Variants in PTPRD observed in about 807,000 individuals in gnomAD.
PTPRD encodes the protein protein tyrosine phosphatase receptor type D, also known as receptor-type tyrosine-protein phosphatase delta.
In PTPRD, 34 loss-of-function variants were observed where a neutral mutation model predicts 214.5. The observed-to-expected ratio is 0.16, with a 90% CI of 0.12 to 0.21. The LOEUF is 0.21. Among genes scored for constraint, PTPRD ranks in the 10% least tolerant of loss-of-function variants. The pLI is 1.00. For missense variants in PTPRD, 2,545 were observed against 2,398.7 expected (o/e 1.06, Z -1.27); for synonymous variants, 1,128 against 845.7 (o/e 1.33, Z -5.79).
At chr9:10,002,380 T>C (rs2096346325) in intron 4 of PTPRD, among the ~76,000 whole-genome samples, 1 of 147,878 alleles carries the variant, frequency 6.8e-6, no homozygotes, top group East Asian at 2.0e-4. Context: ...AATGCTGAGG[T>C]TGGGAGAATA....
chr9:9,415,763 A>G (rs989265678), intron 8 of PTPRD, among the ~76,000 whole-genome samples: 4 of 152,186 alleles, frequency 2.6e-5, no homozygotes, highest in African/African-American at 9.7e-5. Context: ...ACACTGAGAG[A>G]TATGAGTATT....
chr9:8,541,214 C>T (rs1382368365), intron 14 of PTPRD, among the ~76,000 whole-genome samples: 2 of 152,008 alleles, frequency 1.3e-5, no homozygotes, highest in African/African-American at 4.8e-5. Flanking sequence ...CAGAGAATAA[C>T]CAAATGGAAC....
At chr9:10,473,280 A>G (rs977639493) in intron 2 of PTPRD, among the ~76,000 whole-genome samples, 1 of 152,092 alleles carries the variant, frequency 6.6e-6, no homozygotes, top group African/African-American at 2.4e-5. Context: ...ATTCATGTTG[A>G]AAGTAGAGAC....
At chr9:10,316,161 ATC>A (rs2096419536) in intron 3 of PTPRD, among the ~76,000 whole-genome samples, 1 of 136,200 alleles carries the variant, frequency 7.3e-6, no homozygotes, top group African/African-American at 3.0e-5. Flanking sequence ...ATATATGTAT[ATC>A]TATGTATATA....
At chr9:10,435,888 T>C (rs184451814) in intron 2 of PTPRD, among the ~76,000 whole-genome samples, 6 of 151,948 alleles carry the variant, frequency 3.9e-5, no homozygotes, top group African/African-American at 1.4e-4. Context: ...ATAGTGTCAG[T>C]TGATGAGGCT....
intron 11 of PTPRD, among the ~76,000 whole-genome samples, chr9:8,867,416 G>T (rs923023934): frequency 6.6e-6 from 1 of 152,108 alleles, no homozygotes; most frequent in Non-Finnish European, 1.5e-5. Context: ...AAGAACAGTT[G>T]GCACTCATGC....
At chr9:8,849,854 G>C (rs977112344) in intron 11 of PTPRD, among the ~76,000 whole-genome samples, 2 of 152,154 alleles carry the variant, frequency 1.3e-5, no homozygotes, top group Admixed American at 1.3e-4. Flanking sequence ...ACTTGAGCAA[G>C]TTTGCCTTTC....
intron 5 of PTPRD, among the ~76,000 whole-genome samples, chr9:9,914,167 C>G (rs959501572): frequency 1.3e-5 from 2 of 152,178 alleles, no homozygotes; most frequent in African/African-American, 4.8e-5. Flanking sequence ...CTCCGAGGTT[C>G]TGAGCAGCTA....
chr9:10,431,998 T>C (rs1040116419), intron 2 of PTPRD, among the ~76,000 whole-genome samples: 9 of 151,962 alleles, frequency 5.9e-5, no homozygotes, highest in East Asian at 2.0e-4. Flanking sequence ...ATGTTTATTG[T>C]GGCATTATTC....
chr9:8,727,515 G>A (rs956465984), intron 12 of PTPRD, among the ~76,000 whole-genome samples: 2 of 152,160 alleles, frequency 1.3e-5, no homozygotes, highest in Non-Finnish European at 2.9e-5. Flanking sequence ...AACAATGAAG[G>A]CTGATAAACA....
At chr9:8,948,519 T>TTA (rs1332097690) in intron 11 of PTPRD, among the ~76,000 whole-genome samples, 135 of 12,782 alleles carry the variant, frequency 0.011, 12 homozygotes, top group Non-Finnish European at 0.019. Flanking sequence ...ATATATATAT[T>TTA]TATATATATA....
intron 14 of PTPRD, among the ~76,000 whole-genome samples, chr9:8,564,475 G>A (rs535747683): frequency 2.0e-5 from 3 of 152,162 alleles, no homozygotes; most frequent in South Asian, 2.1e-4. Context: ...GGAGGCGGGC[G>A]GATCACTTGA....
chr9:9,290,872 C>T (rs889351448), intron 9 of PTPRD, among the ~76,000 whole-genome samples: 2 of 151,302 alleles, frequency 1.3e-5, no homozygotes, highest in Non-Finnish European at 3.0e-5. Flanking sequence ...CTTCTCTGTT[C>T]CATAGCCACA....
At chr9:10,410,062 G>A (rs565825753) in intron 2 of PTPRD, among the ~76,000 whole-genome samples, 91 of 151,476 alleles carry the variant, frequency 6.0e-4, no homozygotes, top group African/African-American at 2.1e-3. Context: ...GGATAATTTG[G>A]AATAATTATA....
At chr9:9,619,915 T>C (rs904956182) in intron 7 of PTPRD, among the ~76,000 whole-genome samples, 1 of 150,804 alleles carries the variant, frequency 6.6e-6, no homozygotes, top group African/African-American at 2.4e-5. Flanking sequence ...TATAGAAGTA[T>C]ATATGTAATA....
intron 3 of PTPRD, among the ~76,000 whole-genome samples, chr9:10,117,282 A>G (rs1353643563): frequency 6.6e-6 from 1 of 152,166 alleles, no homozygotes; most frequent in African/African-American, 2.4e-5. Flanking sequence ...CTAAATGTAG[A>G]ACCTGAGAAG....
intron 5 of PTPRD, among the ~76,000 whole-genome samples, chr9:9,822,429 C>T (rs1254717710): frequency 1.4e-5 from 2 of 146,894 alleles, no homozygotes; most frequent in African/African-American, 5.0e-5. Flanking sequence ...ATAATATATA[C>T]ATAATATATA....
chr9:9,575,809 C>G lies in PTPRD; in HGVS notation c.-286-1028G>C, dbSNP rs543966563. Among the ~76,000 whole-genome samples, 38 of 149,902 alleles carry G rather than the reference C, an allele frequency of 2.5e-4. No homozygotes were observed. The South Asian group carries it at 7.8e-3, about 31-fold the overall frequency. On this transcript the variant is annotated intron_variant, in intron 7 of 45. Coordinates refer to ENST00000381196, the MANE Select transcript of PTPRD (RefSeq NM_002839.4). ...AGAAAAAAAAAAATAGTTACTGAGC[C>G]CTTTGTAAAAGTTTTCTCATTTTGG...
chr9:10,417,953 T>C (rs1377863518), intron 2 of PTPRD, among the ~76,000 whole-genome samples: 2 of 151,728 alleles, frequency 1.3e-5, no homozygotes, highest in Non-Finnish European at 2.9e-5. Flanking sequence ...ACACTGTGAA[T>C]ATATCATTTT....
Sources: allele counts gnomAD v4.1 joint callset (sites outside exome capture counted in the v4.1 genomes callset), GRCh38; gene constraint gnomAD v4.1.1; transcripts MANE v1.5; gene names NCBI Gene and HGNC (gene_info 2026-07-23, HGNC 2026-07-21).